The following SPOCK3 variants were observed in gnomAD, a reference collection of about 807,000 sequenced individuals.
SPOCK3 encodes the protein testican-3.
In SPOCK3, 30 loss-of-function variants were observed where a neutral mutation model predicts 56.6. The ratio of observed to expected loss-of-function variants is 0.53; its 90% CI spans 0.40 to 0.72. The LOEUF (loss-of-function observed/expected upper bound fraction) is 0.72, where lower values mean the gene tolerates loss of function less well. Ranked by LOEUF, SPOCK3 falls within the 30% of genes least tolerant of loss-of-function variation. The probability of loss-of-function intolerance (pLI) is 0.00; values close to 1 mark genes in which losing one functional copy is unlikely to be tolerated. For synonymous variants in SPOCK3, 196 were observed against 183.3 expected, an observed-to-expected ratio of 1.07 and a Z score of -0.56; for missense variants, 527 against 530.0, an observed-to-expected ratio of 0.99 and a Z score of 0.06.
At chr4:166,871,900 T>C (rs1232621816) in intron 6 of SPOCK3, among the ~76,000 whole-genome samples, 1 of 151,290 alleles carries the variant, frequency 6.6e-6, no homozygotes, top group Non-Finnish European at 1.5e-5. Context: ...CAATGTAACA[T>C]ATTAGAATAC....
intron 7 of SPOCK3, among the ~76,000 whole-genome samples, chr4:166,763,007 T>A (rs1034066563): frequency 6.6e-6 from 1 of 152,070 alleles, no homozygotes; most frequent in African/African-American, 2.4e-5. Flanking sequence ...ATTACTTACA[T>A]CTTTTTGAAT....
At chr4:166,810,481 G>C (rs1743656588) in intron 6 of SPOCK3, among the ~76,000 whole-genome samples, 1 of 151,848 alleles carries the variant, frequency 6.6e-6, no homozygotes, top group African/African-American at 2.4e-5. Context: ...TTTATTTTCA[G>C]ATTAAGGAAT....
At chr4:166,887,949 T>C (rs1255978084) in intron 6 of SPOCK3, among the ~76,000 whole-genome samples, 1 of 152,018 alleles carries the variant, frequency 6.6e-6, no homozygotes, top group Non-Finnish European at 1.5e-5. Context: ...GATCTAATGA[T>C]TGAGCACTAA....
At chr4:166,952,080 C>T (rs1218985442) in intron 4 of SPOCK3, among the ~76,000 whole-genome samples, 1 of 152,056 alleles carries the variant, frequency 6.6e-6, no homozygotes, top group Non-Finnish European at 1.5e-5. Context: ...AGATTCTGGC[C>T]AGGGCAATTA....
At position 167,140,123 on chromosome 4, in the gene SPOCK3, G is replaced by A. The variant is rs575288201; in HGVS notation, c.190-77586C>T. ...TCATAATTAAGTAGCTGAATGCACC[G>A]GATGGAGCCATCTTACCTTTGATTT... is the stretch of plus-strand genomic sequence containing the variant. On this transcript the variant is annotated intron_variant, in intron 2 of 10. Coordinates refer to ENST00000357545, the MANE Select transcript of SPOCK3 (RefSeq NM_001040159.2). 2.6e-4 allele frequency among the ~76,000 whole-genome samples: 39 copies of A among 152,120 alleles called. No homozygotes were observed. The South Asian group carries it at 4.4e-3, about 17-fold the overall frequency.
At chr4:167,158,624 G>C (rs889221228) in intron 2 of SPOCK3, among the ~76,000 whole-genome samples, 1 of 151,922 alleles carries the variant, frequency 6.6e-6, no homozygotes, top group Non-Finnish European at 1.5e-5. Flanking sequence ...TTCAGAGTGT[G>C]ATGTGTAATA....
chr4:166,845,090 G>A (rs981299833), intron 6 of SPOCK3, among the ~76,000 whole-genome samples: 1 of 152,136 alleles, frequency 6.6e-6, no homozygotes, highest in African/African-American at 2.4e-5. Flanking sequence ...AAATAATTAT[G>A]TTAAACAATA....
At chr4:166,973,058 G>A (rs1310521692) in intron 4 of SPOCK3, among the ~76,000 whole-genome samples, 1 of 152,084 alleles carries the variant, frequency 6.6e-6, no homozygotes, top group Non-Finnish European at 1.5e-5. Context: ...CAGATGTTAA[G>A]GAAGGGACTT....
intron 2 of SPOCK3, among the ~76,000 whole-genome samples, chr4:167,098,350 C>T (rs2150320326): frequency 6.6e-6 from 1 of 152,096 alleles, no homozygotes; most frequent in African/African-American, 2.4e-5. Flanking sequence ...CCAATCTCTG[C>T]CTAGTCTTCA....
chr4:166,870,314 A>G (rs1041518379), intron 6 of SPOCK3, among the ~76,000 whole-genome samples: 2 of 152,032 alleles, frequency 1.3e-5, no homozygotes, highest in East Asian at 1.9e-4. Context: ...GATAAAGCAC[A>G]AAAAAATTAG....
chr4:166,947,416 T>C (rs573814780), intron 4 of SPOCK3, among the ~76,000 whole-genome samples: 1 of 152,316 alleles, frequency 6.6e-6, no homozygotes, highest in Non-Finnish European at 1.5e-5. Flanking sequence ...TCATTCATTA[T>C]AACGCTGTGC....
At chr4:166,859,627 G>A (rs780869075) in intron 6 of SPOCK3, among the ~76,000 whole-genome samples, 1 of 151,958 alleles carries the variant, frequency 6.6e-6, no homozygotes, top group Non-Finnish European at 1.5e-5. Context: ...GAAAATTCAC[G>A]TGTCTTATAA....
chr4:166,958,341 C>T (rs1316375126), intron 4 of SPOCK3, among the ~76,000 whole-genome samples: 1 of 152,154 alleles, frequency 6.6e-6, no homozygotes, highest in Non-Finnish European at 1.5e-5. Context: ...CTGTGCTTCC[C>T]TTACAGTCTG....
At chr4:166,887,721 G>T (rs970938652) in intron 6 of SPOCK3, among the ~76,000 whole-genome samples, 5 of 151,996 alleles carry the variant, frequency 3.3e-5, no homozygotes, top group Non-Finnish European at 7.4e-5. Flanking sequence ...CAAGGATGAG[G>T]CTTAAAGAAC....
chr4:167,085,087 T>A (rs1208072473), intron 2 of SPOCK3, among the ~76,000 whole-genome samples: 1 of 151,714 alleles, frequency 6.6e-6, no homozygotes, highest in East Asian at 1.9e-4. Context: ...AAAACTCTAA[T>A]GTCATCTAAT....
At chr4:166,915,291 C>T (rs1025973149) in intron 4 of SPOCK3, among the ~76,000 whole-genome samples, 2 of 152,034 alleles carry the variant, frequency 1.3e-5, no homozygotes, top group African/African-American at 4.8e-5. Context: ...CAAACCTGTA[C>T]ATTCTGCACA....
At chr4:166,948,576 A>T (rs1742078790) in intron 4 of SPOCK3, among the ~76,000 whole-genome samples, 1 of 152,052 alleles carries the variant, frequency 6.6e-6, no homozygotes, top group Admixed American at 6.6e-5. Context: ...TAAAAAGATG[A>T]TATCTCATTG....
At chr4:167,205,503 AT>A (rs1284856582) in intron 2 of SPOCK3, among the ~76,000 whole-genome samples, 1 of 57,190 alleles carries the variant, frequency 1.7e-5, no homozygotes, top group African/African-American at 7.7e-5. Context: ...TATAATATAT[AT>A]TATATAATAT....
chr4:167,049,304 C>T (rs538946084), intron 3 of SPOCK3, among the ~76,000 whole-genome samples: 28 of 151,938 alleles, frequency 1.8e-4, no homozygotes, highest in Non-Finnish European at 3.5e-4. Context: ...AAAGTGGGTA[C>T]AATACTAGCA....
Sources: allele counts gnomAD v4.1 joint callset (sites outside exome capture counted in the v4.1 genomes callset), GRCh38; gene constraint gnomAD v4.1.1; transcripts MANE v1.5; gene names NCBI Gene and HGNC (gene_info 2026-07-23, HGNC 2026-07-21).